Variants in NDFIP2 observed in about 807,000 individuals in gnomAD.
NDFIP2 encodes NEDD4 family-interacting protein 2.
In NDFIP2, 19 loss-of-function variants were observed where a neutral mutation model predicts 36.0. That is an observed-to-expected ratio of 0.53 (90% CI 0.37 to 0.77). The LOEUF is 0.77. NDFIP2 is among the 30% of genes least tolerant of loss of function. The pLI is 0.00. For synonymous variants in NDFIP2, 181 were observed against 167.7 expected (o/e 1.08, Z -0.61); for missense variants, 446 against 435.8 (o/e 1.02, Z -0.21).
chr13:79,485,980 C>T (rs1872968084), intron 1 of NDFIP2, among the ~76,000 whole-genome samples: 1 of 152,120 alleles, frequency 6.6e-6, no homozygotes, highest in Non-Finnish European at 1.5e-5. Context: ...ATCCAAAAAC[C>T]CGAAATCTAA....
At chr13:79,529,258 A>C (rs1327879665) in intron 2 of NDFIP2, among the ~76,000 whole-genome samples, 1 of 152,208 alleles carries the variant, frequency 6.6e-6, no homozygotes, top group Non-Finnish European at 1.5e-5. Flanking sequence ...AGATAAAAAT[A>C]AGTAAAATTT....
intron 1 of NDFIP2, among the ~76,000 whole-genome samples, chr13:79,497,652 A>G (rs1045185949): frequency 1.5e-5 from 2 of 136,312 alleles, no homozygotes; most frequent in African/African-American, 5.5e-5. Flanking sequence ...CCAACTGTAG[A>G]TTTCTGAGTT....
chr13:79,497,551 A>G (rs1873479196), intron 1 of NDFIP2, among the ~76,000 whole-genome samples: 1 of 151,528 alleles, frequency 6.6e-6, no homozygotes, highest in South Asian at 2.1e-4. Context: ...TTATTTTTTT[A>G]AATTCTTTTT....
intron 1 of NDFIP2, among the ~76,000 whole-genome samples, chr13:79,507,640 G>T (rs1873919688): frequency 6.6e-6 from 1 of 151,530 alleles, no homozygotes; most frequent in Non-Finnish European, 1.5e-5. Flanking sequence ...ACACATGGGT[G>T]CTGTGTATTC....
chr13:79,517,643 CAT>C (rs1168195539), intron 1 of NDFIP2, among the ~76,000 whole-genome samples: 1 of 152,074 alleles, frequency 6.6e-6, no homozygotes, highest in Non-Finnish European at 1.5e-5. Context: ...GTAATATTCA[CAT>C]ATTATAATTT....
At chr13:79,548,298 T>C (rs377540181) in intron 5 of NDFIP2, 30 bp from the exon 6 acceptor site, 17 of 1,423,126 alleles carry the variant, frequency 1.2e-5, no homozygotes, top group African/African-American at 2.9e-5. Flanking sequence ...GTGTATGAAT[T>C]CGGTTAATAT....
Position 79,548,314 on chromosome 13 carries a change from T to C in NDFIP2, c.841-14T>C, listed in dbSNP as rs1875767014. On this transcript the variant is annotated splice_polypyrimidine_tract_variant and intron_variant, in intron 5 of 7. Transcript: ENST00000218652. ...TGTATGAATTCGGTTAATATATTTA[T>C]GTTCACTCCATAGTTTTCTGATTAT... The C allele has an allele frequency of 6.5e-7, 1 of 1,541,912 alleles. No homozygotes were observed.
intron 3 of NDFIP2, among the ~76,000 whole-genome samples, chr13:79,537,645 A>T (rs1322894481): frequency 6.6e-6 from 1 of 152,192 alleles, no homozygotes; most frequent in Non-Finnish European, 1.5e-5. Flanking sequence ...GCAATATAAA[A>T]TGGTTTTGAA....
chr13:79,505,356 G>A (rs1016362929), intron 1 of NDFIP2, among the ~76,000 whole-genome samples: 8 of 152,242 alleles, frequency 5.3e-5, no homozygotes, highest in East Asian at 3.9e-4. Flanking sequence ...AGTTGCCGGC[G>A]CAGCAGCTCA....
intron 1 of NDFIP2, among the ~76,000 whole-genome samples, chr13:79,503,438 T>A (rs907636506): frequency 7.2e-5 from 11 of 152,176 alleles, no homozygotes; most frequent in Admixed American, 7.2e-4. Context: ...CATTTTATAG[T>A]CCAGACTACA....
chr13:79,526,662 A>C (rs1874808105), intron 2 of NDFIP2, among the ~76,000 whole-genome samples: 1 of 152,194 alleles, frequency 6.6e-6, no homozygotes, highest in Non-Finnish European at 1.5e-5. Context: ...CAAGTAAAGA[A>C]GAACTATTAG....
rs1222725512 is a variant in NDFIP2, at chr13:79,495,522, A to T, written c.321+13998A>T. ...TGCCATTACTTTAAAATACTTTCAGATGGCAAAAACCACAATTACTTTTGC... is the reference window on the plus strand; with the variant it reads ...TGCCATTACTTTAAAATACTTTCAGTTGGCAAAAACCACAATTACTTTTGC... On this transcript the variant is annotated intron_variant, in intron 1 of 7. Coordinates refer to ENST00000218652, the MANE Select transcript of NDFIP2 (RefSeq NM_019080.3). 2.0e-5 allele frequency among the ~76,000 whole-genome samples: 3 copies of T among 152,056 alleles called. No homozygotes were observed. In the East Asian group the frequency reaches 5.8e-4, roughly 29 times the overall value.
chr13:79,507,757 TAA>T (rs1873925041), intron 1 of NDFIP2, among the ~76,000 whole-genome samples: 1 of 151,820 alleles, frequency 6.6e-6, no homozygotes, highest in South Asian at 2.1e-4. Context: ...AAACATAAAG[TAA>T]AAGATAGTTC....
chr13:79,500,665 A>G lies in NDFIP2; in HGVS notation c.321+19141A>G, dbSNP rs1467383404. Among the ~76,000 whole-genome samples, 8 of 152,136 alleles carry G rather than the reference A, an allele frequency of 5.3e-5. No individual in the cohort carries two copies. In the South Asian group the frequency reaches 1.5e-3, roughly 28 times the overall value. ...CCAAATTCAGAACGCTGACAACAAC[A>G]GATTCTTCTGAGGATGTGGAACAAG... On this transcript the variant is annotated intron_variant, in intron 1 of 7. Coordinates refer to ENST00000218652, the MANE Select transcript of NDFIP2 (RefSeq NM_019080.3).
intron 1 of NDFIP2, among the ~76,000 whole-genome samples, chr13:79,491,543 T>A (rs1488579482): frequency 6.6e-6 from 1 of 152,234 alleles, no homozygotes; most frequent in East Asian, 1.9e-4. Flanking sequence ...TTGATTTTCC[T>A]TATCTTTTTT....
chr13:79,549,321 C>T (rs1875810369), intron 6 of NDFIP2, among the ~76,000 whole-genome samples: 3 of 151,758 alleles, frequency 2.0e-5, no homozygotes, highest in African/African-American at 7.2e-5. Flanking sequence ...GCCTGAATGC[C>T]GTGTTCTTTA....
chr13:79,551,356 G>A (rs560421480), intron 7 of NDFIP2, among the ~76,000 whole-genome samples: 24 of 151,366 alleles, frequency 1.6e-4, no homozygotes, highest in Non-Finnish European at 3.3e-4. Flanking sequence ...TACATAGCGA[G>A]TGAACTGAAA....
At chr13:79,500,715 G>A (rs746559049) in intron 1 of NDFIP2, among the ~76,000 whole-genome samples, 18 of 152,004 alleles carry the variant, frequency 1.2e-4, no homozygotes, top group Admixed American at 5.9e-4. Flanking sequence ...GTTGGTGGGA[G>A]TCAGACTGAT....
chr13:79,528,134 C>G (rs1387011413), intron 2 of NDFIP2, among the ~76,000 whole-genome samples: 2 of 152,006 alleles, frequency 1.3e-5, no homozygotes, highest in Non-Finnish European at 2.9e-5. Flanking sequence ...GCAATGCACA[C>G]CCGTAGTCCC....
Sources: allele counts gnomAD v4.1 joint callset (sites outside exome capture counted in the v4.1 genomes callset), GRCh38; gene constraint gnomAD v4.1.1; transcripts MANE v1.5; gene names NCBI Gene and HGNC (gene_info 2026-07-23, HGNC 2026-07-21).